PTGR3: variants seen among roughly 807,000 people sequenced by gnomAD.
The protein encoded by PTGR3 is zinc binding alcohol dehydrogenase domain containing 2.
chr18:75,208,620 T>G, the PTGR3 span: 3 of 632,888 alleles, frequency 4.7e-6, no homozygotes, highest in Non-Finnish European at 5.9e-6. Flanking sequence ...CCCTCAGTTA[T>G]GAGGACGTTC....
chr18:75,197,612 T>C, the PTGR3 span: 1 of 152,336 alleles, frequency 6.6e-6, no homozygotes, highest in African/African-American at 2.4e-5. Flanking sequence ...ACCAACCGTT[T>C]TGATAATCCA....
chr18:75,208,830 T>C, the PTGR3 span: 1 of 1,467,938 alleles, frequency 6.8e-7, no homozygotes, highest in Non-Finnish European at 9.0e-7. Context: ...GGGCGTGGGG[T>C]TGGGGGGCGC....
chr18:75,201,367 A>T, the PTGR3 span: 150 of 1,481,186 alleles, frequency 1.0e-4, no homozygotes, highest in South Asian at 1.7e-3. Context: ...ATTCTGAGAC[A>T]TAAAGTGCCC....
the PTGR3 span, among the ~76,000 whole-genome samples, chr18:75,206,752 CTATT>C: frequency 1.3e-5 from 2 of 152,184 alleles, no homozygotes; most frequent in African/African-American, 4.8e-5. Flanking sequence ...TATGGAGATA[CTATT>C]TATATTAAAA....
chr18:75,203,982 G>A, the PTGR3 span, among the ~76,000 whole-genome samples: 23 of 152,316 alleles, frequency 1.5e-4, no homozygotes, highest in South Asian at 1.0e-3. Context: ...TGGAAGTGAC[G>A]GTAGGGTTTG....
At chr18:75,201,541 G>C in the PTGR3 span, 1 of 1,614,040 alleles carries the variant, frequency 6.2e-7, no homozygotes, top group Non-Finnish European at 8.5e-7. Flanking sequence ...TCTGGAGACA[G>C]ATCTCCAAGG....
At chr18:75,208,557 G>C in the PTGR3 span, 1 of 1,064,836 alleles carries the variant, frequency 9.4e-7, no homozygotes, top group Admixed American at 5.1e-5. Context: ...TCGGGAGCGG[G>C]AGGGGGAGGA....
At chr18:75,202,377 GTTTT>G in the PTGR3 span, 2 of 1,573,052 alleles carry the variant, frequency 1.3e-6, no homozygotes, top group Admixed American at 3.5e-5. Context: ...GTTACGATGG[GTTTT>G]TTGTTAGGCA....
chr18:75,201,427 T>C, the PTGR3 span: 2 of 1,609,252 alleles, frequency 1.2e-6, no homozygotes, highest in Non-Finnish European at 1.7e-6. Flanking sequence ...TACAGCTTAC[T>C]GTTGACAGAG....
the PTGR3 span, chr18:75,200,137 G>C: frequency 6.6e-6 from 1 of 152,138 alleles, no homozygotes; most frequent in Non-Finnish European, 1.5e-5. Flanking sequence ...TAATCTGGTG[G>C]GCTTCACCTT....
At chr18:75,209,093 T>C in the PTGR3 span, 1 of 1,449,130 alleles carries the variant, frequency 6.9e-7, no homozygotes, top group Non-Finnish European at 9.1e-7. The surrounding 1 kb of genome is among the most constrained non-coding windows in gnomAD (Gnocchi z 4.7). Flanking sequence ...GCGCCGACGC[T>C]GGCCGGGGTC....
chr18:75,202,324 C>T, the PTGR3 span: 5 of 1,606,278 alleles, frequency 3.1e-6, no homozygotes, highest in African/African-American at 1.3e-5. Context: ...ATGTCAGATG[C>T]GTTAACACCA....
At chr18:75,195,416 A>C in the PTGR3 span, 1 of 152,076 alleles carries the variant, frequency 6.6e-6, no homozygotes, top group Non-Finnish European at 1.5e-5. Flanking sequence ...ATCCCAAAGG[A>C]CCCGGGCAGA....
the PTGR3 span, chr18:75,208,627 G>A: frequency 1.8e-5 from 11 of 603,060 alleles, no homozygotes; most frequent in Non-Finnish European, 2.3e-5. Flanking sequence ...TTATGAGGAC[G>A]TTCGGTGGCA....
the PTGR3 span, among the ~76,000 whole-genome samples, chr18:75,207,045 A>AG: frequency 6.6e-6 from 1 of 152,098 alleles, no homozygotes; most frequent in African/African-American, 2.4e-5. Context: ...GAATCACAGG[A>AG]GGAAAAAAAA....
At chr18:75,203,461 A>G in the PTGR3 span, among the ~76,000 whole-genome samples, 1 of 152,212 alleles carries the variant, frequency 6.6e-6, no homozygotes, top group Non-Finnish European at 1.5e-5. Flanking sequence ...TGTATGCGAT[A>G]CACTTTCACG....
chr18:75,205,378 C>T, the PTGR3 span: 3 of 979,772 alleles, frequency 3.1e-6, no homozygotes, highest in Admixed American at 6.3e-5. Flanking sequence ...TGTACCCCCA[C>T]CCCCCCTTTA....
At chr18:75,205,502 A>G in the PTGR3 span, 1 of 985,346 alleles carries the variant, frequency 1.0e-6, no homozygotes, top group Non-Finnish European at 1.2e-6. Context: ...CGGCGCAGGC[A>G]TTCTCCAAAT....
chr18:75,201,437 G>C, the PTGR3 span: 2 of 1,612,018 alleles, frequency 1.2e-6, no homozygotes, highest in East Asian at 4.5e-5. Flanking sequence ...TGTTGACAGA[G>C]TGAGGTAATT....
Sources: gnomAD v4.1 joint callset for allele counts (sites outside exome capture counted in the v4.1 genomes callset) on GRCh38, gnomAD v4.1.1 for gene constraint, Gnocchi (gnomAD v3.1) non-coding constraint, MANE v1.5 for transcripts, NCBI Gene and HGNC (gene_info 2026-07-23, HGNC 2026-07-21) for gene names.